The following NIPA1 variants were observed in gnomAD, a reference collection of about 807,000 sequenced individuals.
NIPA1 encodes the protein NIPA magnesium transporter 1.
In NIPA1, 13 loss-of-function variants were observed where a neutral mutation model predicts 23.9. The observed-to-expected ratio is 0.54, with a 90% CI of 0.35 to 0.87. NIPA1 has a LOEUF of 0.87. Among genes scored for constraint, NIPA1 ranks in the 40% least tolerant of loss-of-function variants. The pLI, the probability that NIPA1 is intolerant of heterozygous loss-of-function variation, is 0.01. For synonymous variants in NIPA1, 234 were observed against 202.9 expected (o/e 1.15, Z -1.30); for missense variants, 362 against 429.7 (o/e 0.84, Z 1.39).
intron 3 of NIPA1, chr15:22,814,297 G>T (rs542197450): frequency 1.1e-5 from 3 of 262,518 alleles, no homozygotes; most frequent in African/African-American, 4.5e-5. Flanking sequence ...TCGCTCTGTC[G>T]CCCAGGCTGG....
chr15:22,786,455 A>C (rs1313275152), upstream of NIPA1, among the ~76,000 whole-genome samples: 1 of 144,320 alleles, frequency 6.9e-6, no homozygotes. Flanking sequence ...CCGGCCCCTC[A>C]CTGCCGCCGC....
At chr15:22,820,036 A>T (rs955492382) in intron 3 of NIPA1, among the ~76,000 whole-genome samples, 1 of 151,944 alleles carries the variant, frequency 6.6e-6, no homozygotes, top group African/African-American at 2.4e-5. Flanking sequence ...TCTACACAAA[A>T]TTTTTAAAAA....
chr15:22,799,613 T>G (rs1198122284), intron 1 of NIPA1, among the ~76,000 whole-genome samples: 1 of 151,818 alleles, frequency 6.6e-6, no homozygotes, highest in Non-Finnish European at 1.5e-5. Context: ...AAACCCCATC[T>G]CTACTAAAAA....
intron 4 of NIPA1, 104 bp from the exon 5 acceptor site, chr15:22,823,624 G>A (rs929928443): frequency 6.3e-5 from 71 of 1,135,104 alleles, no homozygotes; most frequent in East Asian, 1.5e-4. Flanking sequence ...AGTAGAGGCC[G>A]GTGGCGGGTG....
At chr15:22,798,325 C>T (rs1277084919) in intron 1 of NIPA1, among the ~76,000 whole-genome samples, 3 of 149,924 alleles carry the variant, frequency 2.0e-5, no homozygotes, top group Admixed American at 6.7e-5. Context: ...CTGCAGGCTC[C>T]GCTTCCCGGG....
intron 1 of NIPA1, among the ~76,000 whole-genome samples, chr15:22,795,492 T>C (rs1299124396): frequency 2.0e-5 from 3 of 152,162 alleles, no homozygotes; most frequent in Non-Finnish European, 4.4e-5. Context: ...GCTGGACAGC[T>C]GAGGGCTTGC....
chr15:22,802,308 CTTG>C (rs1895100761), intron 1 of NIPA1, among the ~76,000 whole-genome samples: 1 of 148,982 alleles, frequency 6.7e-6, no homozygotes, highest in Non-Finnish European at 1.5e-5. Flanking sequence ...AGGAAAAGCA[CTTG>C]AACCCGGGAA....
At position 22,829,786 on chromosome 15, in the gene NIPA1, T is replaced by G. The variant is rs139014172; in HGVS notation, c.*5547T>G. Reference sequence around the variant, plus strand: ...TAAAATAAAATAACTTATTTCTAGCTGAACATTTGTTGATTTTTTTTTTTC... The same window carrying G: ...TAAAATAAAATAACTTATTTCTAGCGGAACATTTGTTGATTTTTTTTTTTC... On this transcript the variant is annotated 3_prime_UTR_variant, in exon 5 of 5. Transcript: ENST00000337435. The G allele has an allele frequency of 6.6e-6, 1 of 152,334 alleles. No individual in the cohort carries two copies. Among genetic ancestry groups the G allele is most frequent in the Admixed American group, 6.5e-5 (1 of 15,306 alleles). The allele number at this position is 152,334 out of a possible 1,614,324, so 9.4% of individuals were successfully genotyped here.
At chr15:22,812,495 T>C (rs1182781168) in intron 3 of NIPA1, among the ~76,000 whole-genome samples, 1 of 151,950 alleles carries the variant, frequency 6.6e-6, no homozygotes, top group Non-Finnish European at 1.5e-5. Context: ...CTACTAACAA[T>C]ATGAAAAATT....
At chr15:22,812,696 C>T (rs577152620) in intron 3 of NIPA1, among the ~76,000 whole-genome samples, 19 of 151,958 alleles carry the variant, frequency 1.3e-4, no homozygotes, top group South Asian at 4.2e-4. Flanking sequence ...TACTCTATAT[C>T]GTTTAATTTT....
chr15:22,813,483 G>C (rs1048090200), intron 3 of NIPA1: 4 of 357,076 alleles, frequency 1.1e-5, no homozygotes, highest in African/African-American at 8.5e-5. Flanking sequence ...TGATTGATGA[G>C]ATACTTATTA....
upstream of NIPA1, chr15:22,786,575 G>A (rs904477986): frequency 3.6e-6 from 1 of 274,902 alleles, no homozygotes; most frequent in Non-Finnish European, 5.3e-6. Context: ...CCCCTCCCCC[G>A]CCCGCGCCTC....
At chr15:22,811,904 G>A (rs1052982666) in intron 2 of NIPA1, among the ~76,000 whole-genome samples, 1 of 152,192 alleles carries the variant, frequency 6.6e-6, no homozygotes, top group Admixed American at 6.5e-5. Flanking sequence ...CCAGTGCTGC[G>A]CCCATTTCAG....
intron 1 of NIPA1, among the ~76,000 whole-genome samples, chr15:22,789,033 G>T (rs898461452): frequency 4.7e-5 from 7 of 147,980 alleles, no homozygotes; most frequent in Non-Finnish European, 1.5e-5. Context: ...CGCTCTTGTT[G>T]CCCAGGCTGG....
At position 22,788,919 on chromosome 15, in the gene NIPA1, T is replaced by TA. The variant is rs199860403; in HGVS notation, c.178+2103dup. On this transcript the variant is annotated intron_variant, in intron 1 of 4. Transcript: ENST00000337435. ...GAGCGAGAAGAACAAGGCTCTGTCT[T>TA]AAAAAAAAAAAAAAAAAAGATAAAT... Among the ~76,000 whole-genome samples the TA allele has an allele frequency of 3.4e-3, 266 of 78,818 alleles. 9 individuals carry two copies. The highest frequency in any genetic ancestry group is 8.7e-3 in the African/African-American group (171 of 19,592). The allele number at this position is 78,818 out of a possible 152,430, so 51.7% of individuals were successfully genotyped here. A position where few individuals can be genotyped will look rare whatever the true frequency, so the allele number is the denominator to read the frequency against.
chr15:22,800,795 G>T (rs1260257915), intron 1 of NIPA1, among the ~76,000 whole-genome samples: 1 of 152,068 alleles, frequency 6.6e-6, no homozygotes, highest in Non-Finnish European at 1.5e-5. Context: ...GCCGGACGTG[G>T]TGGCAGGCAC....
intron 3 of NIPA1, chr15:22,819,550 A>T (rs1268735407): frequency 6.6e-6 from 1 of 152,194 alleles, no homozygotes; most frequent in Non-Finnish European, 1.5e-5. Flanking sequence ...ACCAGTTTTT[A>T]AAAGTTTTCA....
Position 22,823,773 on chromosome 15 carries a change from TC to T in NIPA1, c.525del (p.Ile176SerfsTer146). On this transcript the variant is annotated frameshift_variant, in exon 5 of 5. Transcript: ENST00000337435. LOFTEE classifies it high-confidence loss of function. ...ATCGTGCTGCTCATGCTGCTGCTGC[TC>T]ATCTTCTGGATCGCGCCGGCCCATG... ...LCIVLLMLLL[L>X]IFWIAPAHGP... 1.2e-6 allele frequency: 2 copies of T among 1,613,180 alleles called. No homozygotes were observed. Among genetic ancestry groups the T allele is most frequent in the Non-Finnish European group, 1.7e-6 (2 of 1,179,752 alleles).
At chr15:22,806,186 G>C (rs1040692843) in intron 1 of NIPA1, among the ~76,000 whole-genome samples, 7 of 152,196 alleles carry the variant, frequency 4.6e-5, no homozygotes, top group Non-Finnish European at 8.8e-5. Flanking sequence ...GCCTCCCAAA[G>C]TGCCGGGATT....
Sources: allele counts gnomAD v4.1 joint callset (sites outside exome capture counted in the v4.1 genomes callset), GRCh38; gene constraint gnomAD v4.1.1; transcripts MANE v1.5; gene names NCBI Gene and HGNC (gene_info 2026-07-23, HGNC 2026-07-21).